The following EIF2B5 variants were observed in gnomAD, a reference collection of about 807,000 sequenced individuals.
The protein encoded by EIF2B5 is translation initiation factor eIF2B subunit epsilon.
In EIF2B5, 38 loss-of-function variants were observed where a neutral mutation model predicts 87.3. That is an observed-to-expected ratio of 0.44 (90% CI 0.34 to 0.57). The LOEUF (loss-of-function observed/expected upper bound fraction) is 0.57, where lower values mean the gene tolerates loss of function less well. Among genes scored for constraint, EIF2B5 ranks in the 20% least tolerant of loss-of-function variants. The probability of loss-of-function intolerance (pLI) is 0.02; values close to 1 mark genes in which losing one functional copy is unlikely to be tolerated. For synonymous variants in EIF2B5, 313 were observed against 339.6 expected (o/e 0.92, Z 0.86); for missense variants, 784 against 909.5 (o/e 0.86, Z 1.78).
Position 184,144,706 on chromosome 3 carries a change from A to G in EIF2B5, c.2105A>G (p.Gln702Arg), listed in dbSNP as rs1207840612. 1 of 1,613,136 alleles carries G rather than the reference A, an allele frequency of 6.2e-7. No homozygotes were observed. Among genetic ancestry groups the G allele is most frequent in the East Asian group, 2.2e-5 (1 of 44,858 alleles). The change falls in exon 15 of 16, where the codon CAG becomes CGG. Residue 702 changes from glutamine to arginine, a missense_variant and splice_region_variant. This residue lies in a region of EIF2B5 where 660 missense variants were observed against 789.5 expected (regional missense o/e 0.84). Coordinates refer to ENST00000648915, the MANE Select transcript of EIF2B5 (RefSeq NM_003907.3). ...DKGQQLRKNQQLQRFIQWLKE... is the reference protein window; with the variant it reads ...DKGQQLRKNQRLQRFIQWLKE... ...GGCCAGCAGTTGCGCAAGAATCAAC[A>G]GGTGCGTCAGGCTGTCCTCCTCTCG...
intron 2 of EIF2B5, chr3:184,137,345 C>T (rs1320182925): frequency 3.8e-6 from 2 of 519,784 alleles, no homozygotes; most frequent in Non-Finnish European, 3.5e-6. Context: ...TAGGCTTCAG[C>T]AGGATTTTGA....
In EIF2B5 at chr3:184,144,926, T is replaced by C; in HGVS notation, c.2149T>C (p.Ser717Pro). The C allele has an allele frequency of 6.2e-7, 1 of 1,613,148 alleles. No individual in the cohort carries two copies. Among genetic ancestry groups the C allele is most frequent in the Non-Finnish European group, 8.5e-7 (1 of 1,179,908 alleles). The change falls in exon 16 of 16, where the codon TCA becomes CCA. Residue 717 changes from serine (S) to proline (P), a missense_variant. By Grantham distance (74) the Ser-to-Pro change is moderately conservative (BLOSUM62 -1). Coordinates refer to ENST00000648915, the MANE Select transcript of EIF2B5 (RefSeq NM_003907.3). ...IQWLKEAEEE[S>P]SEDD ...GTGGCTAAAAGAGGCAGAAGAGGAG[T>C]CATCTGAAGATGACTGAAGTCACAC...
At position 184,135,377 on chromosome 3, in the gene EIF2B5, G is replaced by A. The variant is rs1018901609; in HGVS notation, c.-9G>A. ...TTCCTTGCGGAAGTGGTGACCGTGA[G>A]AGAAGAAGATGGCGGCCCCTGTAGT... is the stretch of plus-strand genomic sequence containing the variant. On this transcript the variant is annotated 5_prime_UTR_variant, in exon 1 of 16. Coordinates refer to ENST00000648915, the MANE Select transcript of EIF2B5 (RefSeq NM_003907.3). 3 of 1,574,306 alleles carry A rather than the reference G, an allele frequency of 1.9e-6. No homozygotes were observed. The highest frequency in any genetic ancestry group is 2.6e-6 in the Non-Finnish European group (3 of 1,160,868).
rs1044177375 is a variant in EIF2B5, at chr3:184,142,609, C to T, written c.1546+6C>T. 5 of 1,612,352 alleles carry T rather than the reference C, an allele frequency of 3.1e-6. No individual in the cohort carries two copies. In the African/African-American group the frequency reaches 6.7e-5, roughly 22 times the overall value. On this transcript the variant is annotated splice_donor_region_variant and intron_variant, in intron 10 of 15. Transcript: ENST00000648915. The surrounding 1 kb of genome is among the most constrained non-coding windows in gnomAD (Gnocchi z 5.0). Reference sequence around the variant, plus strand: ...ACTGCAGCAGAATCTGTGGGGTGAGCTAGGCCTGATGCCTGCCCTTCTCCT... The same window carrying T: ...ACTGCAGCAGAATCTGTGGGGTGAGTTAGGCCTGATGCCTGCCCTTCTCCT...
rs1485793595 is a variant in EIF2B5, at chr3:184,135,453, G to A, written c.68G>A (p.Gly23Glu). The A allele has an allele frequency of 6.3e-7, 1 of 1,581,426 alleles. No individual in the cohort carries two copies. Among genetic ancestry groups the A allele is most frequent in the Non-Finnish European group, 8.6e-7 (1 of 1,164,650 alleles). The change falls in exon 1 of 16, where the codon GGG (glycine) becomes GAG (glutamate). Residue 23 changes from glycine to glutamate, a missense_variant. Gly to Glu is a moderately conservative substitution (Grantham distance 98). This residue lies in a region of EIF2B5 where 117 missense variants were observed against 101.0 expected (regional missense o/e 1.16). Coordinates refer to ENST00000648915, the MANE Select transcript of EIF2B5 (RefSeq NM_003907.3). ...VSRANKRSGA[G>E]PGGSGGGGAR... is the part of the protein sequence containing the mutation. ...CGGGCTAACAAGCGCAGCGGCGCGG[G>A]GCCGGGAGGCAGCGGTGGCGGGGGA... is the stretch of plus-strand genomic sequence containing the variant.
Position 184,140,115 on chromosome 3 carries a change from A to T in EIF2B5, c.801A>T (p.Gln267His). The T allele has an allele frequency of 1.2e-6, 2 of 1,613,996 alleles. No homozygotes were observed. Among genetic ancestry groups the T allele is most frequent in the Non-Finnish European group, 1.7e-6 (2 of 1,179,916 alleles). ...AQLFTDNFDY[Q>H]TRDDFVRGLL... ...TCTTTACAGACAACTTTGACTACCA[A>T]ACTCGAGATGACTTTGTGCGAGGTC... Residue 267 changes from glutamine to histidine, a missense_variant, in exon 6 of 16, where the codon CAA becomes CAT. This residue lies in a region of EIF2B5 where 660 missense variants were observed against 789.5 expected (regional missense o/e 0.84). Transcript: ENST00000648915.
rs370469435 is a variant in EIF2B5 at position 184,140,367 on chromosome 3, C to T, written c.844-51C>T. 3.5e-5 allele frequency: 56 copies of T among 1,591,940 alleles called. 1 individual carries two copies. Among genetic ancestry groups the T allele is most frequent in the Non-Finnish European group, 4.7e-5 (54 of 1,160,114 alleles). On this transcript the variant is annotated intron_variant, in intron 6 of 15. Transcript: ENST00000648915. ...GGATTAGAAAAGTTGTACTTGGGGGCATTCTTCCTGTCTTTCTTGCTTAGG... is the reference window on the plus strand; with the variant it reads ...GGATTAGAAAAGTTGTACTTGGGGGTATTCTTCCTGTCTTTCTTGCTTAGG...
Position 184,145,160 on chromosome 3 carries a change from G to C in EIF2B5, c.*217G>C, listed in dbSNP as rs889397635. ...GATGTGGAAGTGGGGCTGGAACAAA[G>C]CTTCTGCCTAGGGAGGAGCTAAGCA... On this transcript the variant is annotated 3_prime_UTR_variant, in exon 16 of 16. Transcript: ENST00000648915. The surrounding 1 kb of genome is among the most constrained non-coding windows in gnomAD (Gnocchi z 4.0). The C allele has an allele frequency of 8.0e-5, 50 of 625,132 alleles. 2 individuals carry two copies. Among genetic ancestry groups the C allele is most frequent in the African/African-American group, 7.4e-4 (41 of 55,194 alleles). The allele number at this position is 625,132 out of a possible 1,614,324, so 38.7% of individuals were successfully genotyped here.
intron 1 of EIF2B5, 151 bp downstream of exon 1, chr3:184,135,731 C>T: frequency 1.9e-6 from 2 of 1,076,856 alleles, no homozygotes; most frequent in South Asian, 1.5e-5. Flanking sequence ...TGTCTAAACC[C>T]TGATGACTGC....
At chr3:184,137,008 T>G in intron 2 of EIF2B5, 1 of 466,508 alleles carries the variant, frequency 2.1e-6, no homozygotes, top group Non-Finnish European at 3.9e-6. Flanking sequence ...TTTGCTTTTA[T>G]TTAATGGCTT....
At chr3:184,136,109 G>A (rs903812227) in intron 1 of EIF2B5, among the ~76,000 whole-genome samples, 2 of 152,100 alleles carry the variant, frequency 1.3e-5, no homozygotes, top group Non-Finnish European at 2.9e-5. Context: ...TGGGGTATTG[G>A]ACTCAGCTGG....
chr3:184,143,276 A>G lies in EIF2B5; in HGVS notation c.1745+134A>G, dbSNP rs843359. The G allele has an allele frequency of 0.5, 716,953 of 1,447,862 alleles. 179,349 individuals are homozygous for G. The highest frequency in any genetic ancestry group is 0.56 in the South Asian group (46,988 of 83,452). The allele number at this position is 1,447,862 out of a possible 1,614,324, so 89.7% of individuals were successfully genotyped here. A position where few individuals can be genotyped will look rare whatever the true frequency, so the allele number is the denominator to read the frequency against. On this transcript the variant is annotated intron_variant, in intron 12 of 15. Transcript: ENST00000648915. ...GGAAAGACCAGTAGTATTTGGAGCA[A>G]GGAGAGCATTATTAAGTTCTAGCCT... is the stretch of plus-strand genomic sequence containing the variant.
intron 5 of EIF2B5, chr3:184,138,955 T>A: frequency 4.0e-6 from 1 of 249,200 alleles, no homozygotes. Flanking sequence ...AGCCACCAGT[T>A]TTTTTTGTTG....
At chr3:184,140,804 A>G in intron 7 of EIF2B5, 74 bp downstream of exon 7, 1 of 1,526,332 alleles carries the variant, frequency 6.6e-7, no homozygotes, top group East Asian at 2.3e-5. Context: ...CCAGAAACAC[A>G]AGGGATGGCT....
intron 13 of EIF2B5, 56 bp downstream of exon 13, chr3:184,143,621 G>C: frequency 6.2e-7 from 1 of 1,613,202 alleles, no homozygotes; most frequent in Non-Finnish European, 8.5e-7. Context: ...AGGAAATCAG[G>C]AGTAGACTGT....
At chr3:184,143,274 C>A in intron 12 of EIF2B5, 132 bp downstream of exon 12, 1 of 1,453,834 alleles carries the variant, frequency 6.9e-7, no homozygotes, top group Non-Finnish European at 9.5e-7. Context: ...GTATTTGGAG[C>A]AAGGAGAGCA....
chr3:184,137,638 C>T lies in EIF2B5; in HGVS notation c.339C>T (p.Arg113=), dbSNP rs2109006897. The T allele has an allele frequency of 2.5e-6, 4 of 1,614,182 alleles. No homozygotes were observed. Among genetic ancestry groups the T allele is most frequent in the Non-Finnish European group, 2.5e-6 (3 of 1,180,028 alleles). Residue 113 remains arginine, a synonymous_variant, in exon 3 of 16, where the codon CGC becomes CGT. Transcript: ENST00000648915. ...CCTTTAGGAAGTCAAAGTGGTGCCGCCCTACATCTCTCAATGTGGTTCGAA... is the reference window on the plus strand; with the variant it reads ...CCTTTAGGAAGTCAAAGTGGTGCCGTCCTACATCTCTCAATGTGGTTCGAA... ...KEHLLKSKWC[R]PTSLNVVRII... is the part of the protein sequence containing the mutation.
chr3:184,141,534 C>T (rs1713634158), intron 7 of EIF2B5, among the ~76,000 whole-genome samples: 1 of 152,042 alleles, frequency 6.6e-6, no homozygotes, highest in Non-Finnish European at 1.5e-5. Flanking sequence ...TACTACTGCA[C>T]TCCAGCCTGG....
rs369036657 is a variant in EIF2B5 at position 184,143,529 on chromosome 3, G to A, written c.1833G>A (p.Pro611=). The A allele has an allele frequency of 3.0e-5, 49 of 1,614,156 alleles. No homozygotes were observed. The highest frequency in any genetic ancestry group is 6.6e-5 in the South Asian group (6 of 91,086). The change falls in exon 13 of 16, where the codon CCG becomes CCA. Residue 611 remains proline, a synonymous_variant. Transcript: ENST00000648915. The stretch of plus-strand genomic sequence containing the variant: ...TCCCCCTGCAACAGATGGATTCCCC[G>A]CTTGACTCAAGCCGCTACTGTGCCC... ...LEFPLQQMDS[P]LDSSRYCALL...
Sources: allele counts gnomAD v4.1 joint callset (sites outside exome capture counted in the v4.1 genomes callset), GRCh38; gene constraint gnomAD v4.1.1; regional missense constraint gnomAD v4.1.1; non-coding constraint Gnocchi (gnomAD v3.1); transcripts MANE v1.5; gene names NCBI Gene and HGNC (gene_info 2026-07-23, HGNC 2026-07-21).